Variants in UBE2W observed in about 807,000 individuals in gnomAD.
UBE2W encodes ubiquitin-conjugating enzyme E2 W.
UBE2W carries 18 observed loss-of-function variants against 27.2 expected under a neutral mutation model. The ratio of observed to expected loss-of-function variants is 0.66; its 90% CI spans 0.46 to 0.98. The LOEUF is 0.98. Ranked by LOEUF, UBE2W falls within the 50% of genes least tolerant of loss-of-function variation. The pLI is 0.00. For synonymous variants in UBE2W, 53 were observed against 57.2 expected (o/e 0.93, Z 0.33); for missense variants, 90 against 180.2 (o/e 0.50, Z 2.87).
At chr8:73,797,666 TA>T (rs940462286) in intron 5 of UBE2W, among the ~76,000 whole-genome samples, 4 of 152,270 alleles carry the variant, frequency 2.6e-5, no homozygotes, top group South Asian at 2.1e-4. Context: ...TTGTAGTCTT[TA>T]TACTTCTATA....
chr8:73,828,416 C>T (rs1216740924), intron 2 of UBE2W, among the ~76,000 whole-genome samples: 1 of 152,182 alleles, frequency 6.6e-6, no homozygotes, highest in Admixed American at 6.5e-5. Context: ...TGCCATTTCA[C>T]TGCACTGCCT....
chr8:73,874,202 C>T (rs796299787), intron 1 of UBE2W, among the ~76,000 whole-genome samples: 4 of 152,208 alleles, frequency 2.6e-5, no homozygotes, highest in African/African-American at 7.2e-5. Context: ...GAGGCCGAGG[C>T]GGGCGGATCA....
At position 73,787,062 on chromosome 8, in the gene UBE2W, C is replaced by G; in HGVS notation, c.*7040G>C. ...TTCCTACCTTAGTTGATAAACTTTC[C>G]TTATTATTTCCATAATCCACTTAAC... On this transcript the variant is annotated 3_prime_UTR_variant, in exon 6 of 6. Coordinates refer to ENST00000602593, the MANE Select transcript of UBE2W (RefSeq NM_018299.6). 3.0e-6 allele frequency: 3 copies of G among 985,428 alleles called. No individual in the cohort carries two copies. The highest frequency in any genetic ancestry group is 9.4e-5 in the South Asian group (2 of 21,290). 61.0% of individuals were successfully genotyped at this position (985,428 alleles called of 1,614,324 possible).
Position 73,803,173 on chromosome 8 carries a change from G to A in UBE2W, c.442+2478C>T, listed in dbSNP as rs183653337. Among the ~76,000 whole-genome samples, 405 of 152,188 alleles carry A rather than the reference G, an allele frequency of 2.7e-3. 1 individual carries two copies. The highest frequency in any genetic ancestry group is 9.2e-3 in the African/African-American group (383 of 41,526). ...AGAGGATGCAGTGAGCCTAGATCAC[G>A]CCACTGCACTCCAGCCTGGGCAACA... On this transcript the variant is annotated intron_variant, in intron 5 of 5. Transcript: ENST00000602593.
At chr8:73,874,987 C>T (rs941067732) in intron 1 of UBE2W, among the ~76,000 whole-genome samples, 25 of 152,126 alleles carry the variant, frequency 1.6e-4, no homozygotes, top group Admixed American at 1.2e-3. Context: ...TGCAGCAAGC[C>T]GAGACAGCGC....
intron 1 of UBE2W, among the ~76,000 whole-genome samples, chr8:73,852,774 TA>T (rs1210539468): frequency 6.6e-6 from 1 of 152,136 alleles, no homozygotes; most frequent in Non-Finnish European, 1.5e-5. Context: ...AAATGACTGA[TA>T]ACGCCACCTT....
At chr8:73,825,016 CAAAT>C in intron 3 of UBE2W, 127 bp downstream of exon 3, 1 of 596,868 alleles carries the variant, frequency 1.7e-6, no homozygotes, top group Non-Finnish European at 3.0e-6. Context: ...GATTATATGA[CAAAT>C]AAGATAATGA....
At chr8:73,837,602 A>C (rs1304170020) in intron 1 of UBE2W, among the ~76,000 whole-genome samples, 1 of 152,234 alleles carries the variant, frequency 6.6e-6, no homozygotes, top group African/African-American at 2.4e-5. Flanking sequence ...TTCTGAGTTA[A>C]CTTTTTAAAA....
At chr8:73,798,430 G>C (rs147132559) in intron 5 of UBE2W, among the ~76,000 whole-genome samples, 1 of 152,032 alleles carries the variant, frequency 6.6e-6, no homozygotes, top group Non-Finnish European at 1.5e-5. Flanking sequence ...GCAAATATTC[G>C]AGAAAAACAA....
intron 1 of UBE2W, among the ~76,000 whole-genome samples, chr8:73,877,895 T>C (rs1220142607): frequency 6.6e-6 from 1 of 151,986 alleles, no homozygotes; most frequent in East Asian, 1.9e-4. Flanking sequence ...AAGGAGTAAA[T>C]TAAGTTGGAA....
chr8:73,818,154 C>T (rs1809469922), intron 3 of UBE2W, among the ~76,000 whole-genome samples: 1 of 152,212 alleles, frequency 6.6e-6, no homozygotes, highest in Non-Finnish European at 1.5e-5. Flanking sequence ...GCATACAATT[C>T]ACACTTCAGT....
chr8:73,842,528 C>CAAAAAAAAAAAAAAAA (rs759063478), intron 1 of UBE2W, among the ~76,000 whole-genome samples: 1 of 9,676 alleles, frequency 1.0e-4, no homozygotes, highest in African/African-American at 2.8e-4. Context: ...GACTCCGTCT[C>CAAAAAAAAAAAAAAAA]AAAAAAAAAA....
intron 5 of UBE2W, among the ~76,000 whole-genome samples, chr8:73,795,128 A>G (rs1439254186): frequency 1.3e-5 from 2 of 151,836 alleles, no homozygotes; most frequent in African/African-American, 4.8e-5. Flanking sequence ...GAGTTGTGAA[A>G]GCACTCAAGG....
chr8:73,803,483 C>A (rs1808733209), intron 5 of UBE2W, among the ~76,000 whole-genome samples: 1 of 152,096 alleles, frequency 6.6e-6, no homozygotes, highest in Non-Finnish European at 1.5e-5. Flanking sequence ...TTCTCCATTA[C>A]CTTTATGGCT....
chr8:73,814,338 G>A (rs1337146421), intron 3 of UBE2W, among the ~76,000 whole-genome samples: 1 of 152,174 alleles, frequency 6.6e-6, no homozygotes, highest in African/African-American at 2.4e-5. Flanking sequence ...TAGCAACTTT[G>A]CGAATGTATT....
Position 73,788,414 on chromosome 8 carries a change from AAAAC to A in UBE2W, c.*5684_*5687del, listed in dbSNP as rs769828726. The stretch of plus-strand genomic sequence containing the variant: ...TAATAAAAGGAAAATGGCACCAACT[AAAAC>A]AAACAAATTCATTTTGACCTGAACA... On this transcript the variant is annotated 3_prime_UTR_variant, in exon 6 of 6. Transcript: ENST00000602593. 2.3e-4 allele frequency: 224 copies of A among 985,318 alleles called. No individual in the cohort carries two copies. Among genetic ancestry groups the A allele is most frequent in the Non-Finnish European group, 2.3e-4 (194 of 829,938 alleles). The allele number at this position is 985,318 out of a possible 1,614,324, so 61.0% of individuals were successfully genotyped here.
Position 73,786,466 on chromosome 8 carries a change from G to A in UBE2W, c.*7636C>T. The A allele has an allele frequency of 3.0e-6, 3 of 985,072 alleles. No homozygotes were observed. Among genetic ancestry groups the A allele is most frequent in the Non-Finnish European group, 2.4e-6 (2 of 829,646 alleles). The allele number at this position is 985,072 out of a possible 1,614,324, so 61.0% of individuals were successfully genotyped here. A position where few individuals can be genotyped will look rare whatever the true frequency, so the allele number is the denominator to read the frequency against. On this transcript the variant is annotated 3_prime_UTR_variant, in exon 6 of 6. Coordinates refer to ENST00000602593, the MANE Select transcript of UBE2W (RefSeq NM_018299.6). The stretch of plus-strand genomic sequence containing the variant: ...ACTAGGTACTGTGTGCTACGTGCTG[G>A]GGACACAAACACAATTGCAACACTG...
At chr8:73,829,781 C>T (rs912212828) in intron 2 of UBE2W, among the ~76,000 whole-genome samples, 3 of 152,058 alleles carry the variant, frequency 2.0e-5, no homozygotes, top group African/African-American at 7.2e-5. Flanking sequence ...GCTCATTTGT[C>T]CTACAAGTTG....
chr8:73,832,087 A>G (rs1810089243), intron 1 of UBE2W: 1 of 151,196 alleles, frequency 6.6e-6, no homozygotes, highest in Non-Finnish European at 1.5e-5. Flanking sequence ...CTTGGGTAAC[A>G]TAGTGAGACC....
Sources: allele counts gnomAD v4.1 joint callset (sites outside exome capture counted in the v4.1 genomes callset), GRCh38; gene constraint gnomAD v4.1.1; transcripts MANE v1.5; gene names NCBI Gene and HGNC (gene_info 2026-07-23, HGNC 2026-07-21).